TMEM132B: variants seen among roughly 807,000 people sequenced by gnomAD.
TMEM132B encodes the protein transmembrane protein 132B.
A neutral mutation model predicts 90.8 loss-of-function variants in TMEM132B; 18 were observed. The ratio of observed to expected loss-of-function variants is 0.20; its 90% confidence interval spans 0.14 to 0.29. TMEM132B has a LOEUF of 0.29. Among genes scored for constraint, TMEM132B ranks in the 10% least tolerant of loss-of-function variants. The pLI is 1.00. For synonymous variants in TMEM132B, 504 were observed against 523.3 expected (o/e 0.96, Z 0.50); for missense variants, 1,096 against 1,326.8 (o/e 0.83, Z 2.70).
chr12:125,539,890 T>G (rs1566067540), intron 4 of TMEM132B, among the ~76,000 whole-genome samples: 1 of 152,220 alleles, frequency 6.6e-6, no homozygotes, highest in Non-Finnish European at 1.5e-5. Flanking sequence ...CTGCTTACTT[T>G]GGTTTTAATT....
rs546589513 is a variant in TMEM132B at position 125,186,431 on chromosome 12, A to AGGCGGC, written c.-352_-347dup. ...GGCGGCCGGCAGATGGCGATGGCAG[A>AGGCGGC]GGCGGCGGCGGCGGCGGCGGCGCGA... On this transcript the variant is annotated 5_prime_UTR_variant, in exon 1 of 9. Coordinates refer to ENST00000682704, the MANE Select transcript of TMEM132B (RefSeq NM_001366854.1). The surrounding 1 kb of genome is among the most constrained non-coding windows in gnomAD (Gnocchi z 6.3). Among the ~76,000 whole-genome samples, 25 of 144,522 alleles carry AGGCGGC rather than the reference A, an allele frequency of 1.7e-4. No individual in the cohort carries two copies. Among genetic ancestry groups the AGGCGGC allele is most frequent in the East Asian group, 1.7e-3 (8 of 4,800 alleles). The allele number at this position is 144,522 out of a possible 152,430, so 94.8% of individuals were successfully genotyped here. A position where few individuals can be genotyped will look rare whatever the true frequency, so the allele number is the denominator to read the frequency against.
intron 1 of TMEM132B, among the ~76,000 whole-genome samples, chr12:125,232,000 T>C (rs1242584232): frequency 6.6e-6 from 1 of 152,138 alleles, no homozygotes; most frequent in Non-Finnish European, 1.5e-5. Context: ...TAAAAATCTA[T>C]GTGAAGGAAG....
intron 1 of TMEM132B, among the ~76,000 whole-genome samples, chr12:125,234,711 G>A (rs925812964): frequency 1.1e-4 from 17 of 152,168 alleles, no homozygotes; most frequent in African/African-American, 2.9e-4. Context: ...GGTCCTTGGC[G>A]CTGTTCATGA....
Position 125,238,364 on chromosome 12 carries a change from AC to A in TMEM132B, c.67+51500del, listed in dbSNP as rs1873983769. Reference sequence around the variant, plus strand: ...CAAGACTCCGTCTCAAAAAAAAAAAACCAAAAAAAAAACAAAAAAAAACCAA... The same window carrying A: ...CAAGACTCCGTCTCAAAAAAAAAAAACAAAAAAAAAACAAAAAAAAACCAA... On this transcript the variant is annotated intron_variant, in intron 1 of 8. Transcript: ENST00000682704. Among the ~76,000 whole-genome samples, 6 of 127,810 alleles carry A rather than the reference AC, an allele frequency of 4.7e-5. No homozygotes were observed. In the South Asian group the frequency reaches 1.5e-3, roughly 33 times the overall value. The allele number at this position is 127,810 out of a possible 152,430, so 83.8% of individuals were successfully genotyped here.
chr12:125,620,438 T>C lies in TMEM132B; in HGVS notation c.1438-23638T>C, dbSNP rs1886090382. On this transcript the variant is annotated intron_variant, in intron 5 of 8. Transcript: ENST00000682704. Reference sequence around the variant, plus strand: ...CAGCAAGTGAGCCTCCTTCCACAAGTTAATGGAAGGATGGAGAGATCAGAT... The same window carrying C: ...CAGCAAGTGAGCCTCCTTCCACAAGCTAATGGAAGGATGGAGAGATCAGAT... Among the ~76,000 whole-genome samples the C allele has an allele frequency of 2.0e-5, 3 of 152,096 alleles. No individual in the cohort carries two copies. In the South Asian group the frequency reaches 6.2e-4, roughly 32 times the overall value.
intron 5 of TMEM132B, among the ~76,000 whole-genome samples, chr12:125,611,928 A>G (rs920971799): frequency 1.3e-5 from 2 of 152,102 alleles, no homozygotes; most frequent in Non-Finnish European, 2.9e-5. Flanking sequence ...AAATTCGTTT[A>G]TAATGTGGTT....
intron 1 of TMEM132B, among the ~76,000 whole-genome samples, chr12:125,262,791 G>A (rs774612665): frequency 6.6e-6 from 1 of 152,230 alleles, no homozygotes; most frequent in Non-Finnish European, 1.5e-5. Flanking sequence ...TTCAAGCAAA[G>A]TGTGTTGGCT....
intron 4 of TMEM132B, among the ~76,000 whole-genome samples, chr12:125,566,832 CTTCT>C (rs1416875461): frequency 3.5e-5 from 4 of 114,620 alleles, no homozygotes; most frequent in Admixed American, 1.2e-4. Context: ...TCCTCTTCTT[CTTCT>C]TTTTTTTTTT....
intron 3 of TMEM132B, among the ~76,000 whole-genome samples, chr12:125,469,464 C>T (rs1331115952): frequency 6.6e-6 from 1 of 152,134 alleles, no homozygotes; most frequent in Non-Finnish European, 1.5e-5. Context: ...GTGATTTTGA[C>T]AAGTATCTCC....
At position 125,255,956 on chromosome 12, in the gene TMEM132B, T is replaced by C. The variant is rs527386434; in HGVS notation, c.67+69090T>C. ...TGTTTTATGCTTCTGTTGTCAACCCTAATCACTGAGTTTTAAGTCATCTGG... is the reference window on the plus strand; with the variant it reads ...TGTTTTATGCTTCTGTTGTCAACCCCAATCACTGAGTTTTAAGTCATCTGG... On this transcript the variant is annotated intron_variant, in intron 1 of 8. Coordinates refer to ENST00000682704, the MANE Select transcript of TMEM132B (RefSeq NM_001366854.1). Among the ~76,000 whole-genome samples the C allele has an allele frequency of 1.7e-3, 260 of 152,326 alleles. 2 individuals carry two copies. Among genetic ancestry groups the C allele is most frequent in the African/African-American group, 5.9e-3 (244 of 41,572 alleles).
At chr12:125,429,131 T>C (rs1050392559) in intron 3 of TMEM132B, among the ~76,000 whole-genome samples, 1 of 152,192 alleles carries the variant, frequency 6.6e-6, no homozygotes, top group African/African-American at 2.4e-5. Flanking sequence ...AATGAACCAA[T>C]ACTGATATGT....
chr12:125,592,623 G>T (rs1438143169), intron 5 of TMEM132B, among the ~76,000 whole-genome samples: 3 of 152,180 alleles, frequency 2.0e-5, no homozygotes, highest in African/African-American at 4.8e-5. Context: ...AACATCAGCA[G>T]TCTGGAAAAC....
intron 2 of TMEM132B, among the ~76,000 whole-genome samples, chr12:125,382,045 C>T (rs751708724): frequency 1.3e-5 from 2 of 152,148 alleles, no homozygotes; most frequent in African/African-American, 4.8e-5. Flanking sequence ...TCCTATTCTA[C>T]GAGATGCCCA....
chr12:125,355,519 T>C (rs1026243937), intron 2 of TMEM132B, among the ~76,000 whole-genome samples: 7 of 152,092 alleles, frequency 4.6e-5, no homozygotes, highest in Admixed American at 4.6e-4. Context: ...GTTGCAGAGG[T>C]TGTGGCTTGA....
chr12:125,419,959 C>G (rs1050289630), intron 3 of TMEM132B, among the ~76,000 whole-genome samples: 1 of 152,210 alleles, frequency 6.6e-6, no homozygotes, highest in African/African-American at 2.4e-5. Context: ...CCTTTGACTC[C>G]GTGTCTCACG....
chr12:125,618,910 A>G (rs1054173863), intron 5 of TMEM132B, among the ~76,000 whole-genome samples: 2 of 152,190 alleles, frequency 1.3e-5, no homozygotes, highest in African/African-American at 4.8e-5. Flanking sequence ...GTTTATCAAT[A>G]TTAGTTATTA....
At chr12:125,418,050 A>G (rs1005728106) in intron 3 of TMEM132B, among the ~76,000 whole-genome samples, 2 of 152,146 alleles carry the variant, frequency 1.3e-5, no homozygotes, top group African/African-American at 4.8e-5. Flanking sequence ...CTGTTGTGCT[A>G]CAGGAGTCCA....
At chr12:125,412,878 A>G (rs1879893405) in intron 2 of TMEM132B, among the ~76,000 whole-genome samples, 1 of 152,106 alleles carries the variant, frequency 6.6e-6, no homozygotes. Context: ...GGCAAGAAAG[A>G]AAGCTTTGTG....
chr12:125,293,904 G>A (rs766698907), intron 1 of TMEM132B, among the ~76,000 whole-genome samples: 1 of 152,180 alleles, frequency 6.6e-6, no homozygotes, highest in African/African-American at 2.4e-5. Flanking sequence ...TGTCCCTAAA[G>A]GCCATGCAGC....
Sources: allele counts gnomAD v4.1 joint callset (sites outside exome capture counted in the v4.1 genomes callset), GRCh38; gene constraint gnomAD v4.1.1; non-coding constraint Gnocchi (gnomAD v3.1); transcripts MANE v1.5; gene names NCBI Gene and HGNC (gene_info 2026-07-23, HGNC 2026-07-21).